SMYD3: variants seen among roughly 807,000 people sequenced by gnomAD.
SMYD3 encodes the protein SET and MYND domain containing 3, also known as histone-lysine N-methyltransferase SMYD3.
Under a neutral mutation model 57.7 loss-of-function variants are expected in SMYD3, and 36 were observed. The ratio of observed to expected loss-of-function variants is 0.62; its 90% CI spans 0.48 to 0.82. SMYD3 has a LOEUF of 0.82. SMYD3 is among the 40% of genes least tolerant of loss of function. SMYD3 has a pLI of 0.00. For synonymous variants in SMYD3, 211 were observed against 195.0 expected, an observed-to-expected ratio of 1.08 and a Z score of -0.68; for missense variants, 515 against 538.8, an observed-to-expected ratio of 0.96 and a Z score of 0.44.
intron 5 of SMYD3, among the ~76,000 whole-genome samples, chr1:246,297,483 C>T (rs541183788): frequency 3.2e-4 from 49 of 152,162 alleles, no homozygotes; most frequent in African/African-American, 1.2e-3. Context: ...AAGAATTTGT[C>T]TTATATTCTA....
At chr1:246,376,427 C>G (rs1310412851) in intron 1 of SMYD3, among the ~76,000 whole-genome samples, 1 of 151,316 alleles carries the variant, frequency 6.6e-6, no homozygotes, top group Non-Finnish European at 1.5e-5. Flanking sequence ...CCCATCTCTA[C>G]TAAAAATACA....
At chr1:246,273,003 TCA>T (rs1241205033) in intron 5 of SMYD3, among the ~76,000 whole-genome samples, 5 of 152,276 alleles carry the variant, frequency 3.3e-5, no homozygotes, top group Admixed American at 6.5e-5. Flanking sequence ...TTTTTGTCTT[TCA>T]CAGTTTTTTA....
chr1:246,314,904 T>C (rs2065132768), intron 5 of SMYD3, among the ~76,000 whole-genome samples: 1 of 152,254 alleles, frequency 6.6e-6, no homozygotes, highest in African/African-American at 2.4e-5. Context: ...GAAACAGATA[T>C]TGCTGAAAGG....
At chr1:245,932,726 T>G (rs1247687595) in intron 5 of SMYD3, among the ~76,000 whole-genome samples, 1 of 152,168 alleles carries the variant, frequency 6.6e-6, no homozygotes, top group East Asian at 1.9e-4. Flanking sequence ...CTCTGACTAA[T>G]TTTTTAAAAC....
rs1158941313 is a variant in SMYD3 at position 246,203,716 on chromosome 1, C to T, written c.531+123485G>A. The stretch of plus-strand genomic sequence containing the variant: ...CATTCTGAAGTACCGGTGGTTAGAA[C>T]ATCAACATATGAATTTGCGGGGACA... On this transcript the variant is annotated intron_variant, in intron 5 of 11. Transcript: ENST00000490107. The surrounding 1 kb of genome is among the most constrained non-coding windows in gnomAD (Gnocchi z 4.6). Among the ~76,000 whole-genome samples the T allele has an allele frequency of 6.6e-6, 1 of 152,194 alleles. No homozygotes were observed. Among genetic ancestry groups the T allele is most frequent in the Non-Finnish European group, 1.5e-5 (1 of 68,032 alleles).
At chr1:246,224,844 G>T (rs1410635519) in intron 5 of SMYD3, among the ~76,000 whole-genome samples, 2 of 151,972 alleles carry the variant, frequency 1.3e-5, no homozygotes, top group Non-Finnish European at 2.9e-5. Flanking sequence ...TTTTTGTACT[G>T]AGCACTTGAC....
intron 8 of SMYD3, among the ~76,000 whole-genome samples, chr1:245,879,893 C>T (rs1253859755): frequency 1.3e-5 from 2 of 152,090 alleles, no homozygotes; most frequent in Non-Finnish European, 2.9e-5. Context: ...ACATGGTGTA[C>T]CCTAGAGACA....
At chr1:245,753,712 G>A (rs1269823213) in intron 11 of SMYD3, among the ~76,000 whole-genome samples, 1 of 152,224 alleles carries the variant, frequency 6.6e-6, no homozygotes. Context: ...AAGATGAGGA[G>A]GGCTTCCCCT....
intron 10 of SMYD3, among the ~76,000 whole-genome samples, chr1:245,834,310 T>A (rs1364714762): frequency 6.6e-6 from 1 of 152,192 alleles, no homozygotes; most frequent in African/African-American, 2.4e-5. Flanking sequence ...TATGCACGGA[T>A]ATACTGACAG....
intron 8 of SMYD3, among the ~76,000 whole-genome samples, chr1:245,885,115 A>G (rs1213724122): frequency 1.3e-5 from 2 of 152,156 alleles, no homozygotes; most frequent in African/African-American, 4.8e-5. Context: ...CACCTTTAAG[A>G]GCTGTAACAT....
intron 3 of SMYD3, among the ~76,000 whole-genome samples, chr1:246,331,509 G>A (rs115631126): frequency 0.011 from 1,675 of 152,218 alleles, 12 homozygotes; most frequent in Non-Finnish European, 0.016. Flanking sequence ...AAGATAGCAG[G>A]GCCTTCAAAG....
chr1:246,238,547 T>C (rs948775495), intron 5 of SMYD3, among the ~76,000 whole-genome samples: 3 of 152,344 alleles, frequency 2.0e-5, no homozygotes, highest in African/African-American at 7.2e-5. Context: ...CTAAGTATTG[T>C]GGAACAGCTC....
chr1:245,879,349 C>T (rs554223180), intron 8 of SMYD3, among the ~76,000 whole-genome samples: 34 of 152,294 alleles, frequency 2.2e-4, no homozygotes, highest in Admixed American at 3.9e-4. Context: ...GCAACTGGCT[C>T]GCAGTAACCG....
chr1:245,978,613 G>C (rs939658913), intron 5 of SMYD3, among the ~76,000 whole-genome samples: 19 of 152,180 alleles, frequency 1.2e-4, no homozygotes, highest in South Asian at 4.1e-4. Flanking sequence ...TTCCCTGTTT[G>C]TCCTAAATCC....
At chr1:246,401,665 A>G (rs1051221875) in intron 1 of SMYD3, among the ~76,000 whole-genome samples, 5 of 151,840 alleles carry the variant, frequency 3.3e-5, no homozygotes, top group Non-Finnish European at 7.4e-5. Context: ...AGAGTATGTA[A>G]TAATCATATA....
At chr1:245,820,899 T>C (rs963569972) in intron 10 of SMYD3, among the ~76,000 whole-genome samples, 7 of 151,012 alleles carry the variant, frequency 4.6e-5, no homozygotes, top group Admixed American at 6.6e-5. Flanking sequence ...TAAAAGAGGA[T>C]ACAAACAAAT....
chr1:246,328,617 T>C (rs1451112961), intron 4 of SMYD3, among the ~76,000 whole-genome samples: 1 of 128,682 alleles, frequency 7.8e-6, no homozygotes, highest in East Asian at 3.0e-4. Context: ...AATGATTTCT[T>C]TTTTTTTCTA....
At chr1:246,394,550 A>G (rs2066624911) in intron 1 of SMYD3, among the ~76,000 whole-genome samples, 1 of 152,264 alleles carries the variant, frequency 6.6e-6, no homozygotes, top group Non-Finnish European at 1.5e-5. Flanking sequence ...CAGAGAAATC[A>G]GAATATTCGA....
At chr1:246,239,620 TG>T (rs1322881183) in intron 5 of SMYD3, among the ~76,000 whole-genome samples, 1 of 152,210 alleles carries the variant, frequency 6.6e-6, no homozygotes, top group Non-Finnish European at 1.5e-5. Context: ...ATGGGATGGC[TG>T]GGTCAAATAG....
Sources: allele counts gnomAD v4.1 joint callset (sites outside exome capture counted in the v4.1 genomes callset), GRCh38; gene constraint gnomAD v4.1.1; non-coding constraint Gnocchi (gnomAD v3.1); transcripts MANE v1.5; gene names NCBI Gene and HGNC (gene_info 2026-07-23, HGNC 2026-07-21).